The following OTOGL variants were observed in gnomAD, a reference collection of about 807,000 sequenced individuals.
OTOGL encodes the protein otogelin-like protein.
Under a neutral mutation model 318.5 loss-of-function variants are expected in OTOGL, and 285 were observed. The observed-to-expected ratio is 0.89, with a 90% CI of 0.81 to 0.99. The LOEUF (loss-of-function observed/expected upper bound fraction) is 0.99. Among genes scored for constraint, OTOGL ranks in the 50% least tolerant of loss-of-function variants. OTOGL has a pLI of 0.00. For missense variants in OTOGL, 2,899 were observed against 2,845.6 expected (o/e 1.02, Z -0.43); for synonymous variants, 987 against 936.5 (o/e 1.05, Z -0.99).
At chr12:80,297,609 A>C (rs1885495343) in intron 27 of OTOGL, among the ~76,000 whole-genome samples, 1 of 152,276 alleles carries the variant, frequency 6.6e-6, no homozygotes, top group South Asian at 2.1e-4. Flanking sequence ...CTGGGATTAC[A>C]GGCATGAGCC....
chr12:80,125,823 T>A (rs980660607), intron 1 of OTOGL, among the ~76,000 whole-genome samples: 2 of 152,150 alleles, frequency 1.3e-5, no homozygotes, highest in East Asian at 3.9e-4. Flanking sequence ...AGTTTATTTG[T>A]GTAAAGGTGT....
At chr12:80,251,856 A>G (rs1464210353) in intron 12 of OTOGL, 57 bp downstream of exon 12, 12 of 1,439,502 alleles carry the variant, frequency 8.3e-6, no homozygotes, top group Non-Finnish European at 1.1e-5. Flanking sequence ...GGTTAAACCT[A>G]GAACTCAAAA....
chr12:80,196,301 G>T (rs1876062541), intron 1 of OTOGL, among the ~76,000 whole-genome samples: 1 of 152,138 alleles, frequency 6.6e-6, no homozygotes, highest in African/African-American at 2.4e-5. Context: ...CCTATCTACA[G>T]CCTTTCAACT....
At chr12:80,316,192 C>T (rs1451094) in intron 32 of OTOGL, among the ~76,000 whole-genome samples, 28,770 of 152,138 alleles carry the variant, frequency 0.19, 2,886 homozygotes, top group Middle Eastern at 0.23. Flanking sequence ...CTCCATGCTA[C>T]GTGGCCTACT....
chr12:80,319,521 T>A (rs1887189266), intron 33 of OTOGL, among the ~76,000 whole-genome samples: 1 of 152,224 alleles, frequency 6.6e-6, no homozygotes, highest in African/African-American at 2.4e-5. Context: ...CATCAAGTTC[T>A]AAATTACGCT....
At position 80,270,819 on chromosome 12, in the gene OTOGL, C is replaced by T. The variant is rs966516358; in HGVS notation, c.2518+665C>T. Among the ~76,000 whole-genome samples, 3 of 151,952 alleles carry T rather than the reference C, an allele frequency of 2.0e-5. No individual in the cohort carries two copies. The East Asian group carries it at 5.8e-4, about 29-fold the overall frequency. On this transcript the variant is annotated intron_variant, in intron 23 of 58. Transcript: ENST00000547103. ...TATTTATTTTCATCATATAAAGAGCCTCAAATTCTCAGTTACTATGGGCAA... is the reference window on the plus strand; with the variant it reads ...TATTTATTTTCATCATATAAAGAGCTTCAAATTCTCAGTTACTATGGGCAA...
At chr12:80,345,786 C>G (rs904579803) in intron 44 of OTOGL, among the ~76,000 whole-genome samples, 1 of 151,990 alleles carries the variant, frequency 6.6e-6, no homozygotes, top group African/African-American at 2.4e-5. Context: ...CTCTCAAGTA[C>G]TCAAAGCCTC....
chr12:80,325,941 T>C (rs1257621675), intron 35 of OTOGL, among the ~76,000 whole-genome samples: 1 of 152,150 alleles, frequency 6.6e-6, no homozygotes, highest in Non-Finnish European at 1.5e-5. Context: ...TTCCAGTGTA[T>C]TGGGCTGTAG....
chr12:80,352,432 C>T lies in OTOGL; in HGVS notation c.5403C>T (p.Tyr1801=). 6.3e-7 allele frequency: 1 copy of T among 1,577,014 alleles called. No homozygotes were observed. The highest frequency in any genetic ancestry group is 8.6e-7 in the Non-Finnish European group (1 of 1,168,196). The change falls in exon 45 of 59, where the codon TAC becomes TAT. Residue 1801 remains tyrosine, a synonymous_variant. Transcript: ENST00000547103. ...GTATTCAGTGGAGAACACCTGATTA[C>T]TGCTGTGAGTAACTGTTAACTGAAT... The part of the protein sequence containing the change: ...DICIQWRTPD[Y]CSLSCPEGKE...
chr12:80,100,126 G>A (rs1034798488), intron 1 of OTOGL, among the ~76,000 whole-genome samples: 13 of 152,278 alleles, frequency 8.5e-5, no homozygotes, highest in Admixed American at 7.8e-4. Flanking sequence ...TAATTGGCAG[G>A]TTTTATAGGT....
intron 1 of OTOGL, among the ~76,000 whole-genome samples, chr12:80,154,320 A>G (rs1267148140): frequency 1.3e-5 from 2 of 152,112 alleles, no homozygotes; most frequent in South Asian, 2.1e-4. Context: ...AAGGGGGGGA[A>G]AAAGAAAGCT....
At chr12:80,273,892 C>A (rs889959211) in intron 24 of OTOGL, among the ~76,000 whole-genome samples, 1 of 151,978 alleles carries the variant, frequency 6.6e-6, no homozygotes, top group Non-Finnish European at 1.5e-5. Context: ...AATCTGTAAA[C>A]AGTGAACTTT....
chr12:80,251,719 G>A lies in OTOGL; in HGVS notation c.1079G>A (p.Arg360Gln), dbSNP rs774100762. 6.3e-6 allele frequency: 10 copies of A among 1,592,086 alleles called. No individual in the cohort carries two copies. The highest frequency in any genetic ancestry group is 1.7e-4 in the Middle Eastern group (1 of 6,030). The change falls in exon 12 of 59, where the codon CGA becomes CAA. Residue 360 changes from arginine (R) to glutamine (Q), a missense_variant. Arg to Gln is a conservative substitution (Grantham distance 43). This residue lies in a region of OTOGL where 2,607 missense variants were observed against 2,524.9 expected (regional missense o/e 1.03). Coordinates refer to ENST00000547103, the MANE Select transcript of OTOGL (RefSeq NM_001378609.3). The part of the protein sequence containing the change: ...CKTDDDETYC[R>Q]AATEYARACS... ...ACTGATGATGATGAAACCTATTGCC[G>A]AGCAGCCACTGAGTATGCTAGAGCC...
intron 11 of OTOGL, among the ~76,000 whole-genome samples, chr12:80,244,178 T>TA (rs1880649543): frequency 6.6e-6 from 1 of 151,594 alleles, no homozygotes; most frequent in African/African-American, 2.4e-5. Context: ...TTTTCTTTTT[T>TA]TTTTTTTATA....
At chr12:80,209,070 G>A (rs1231496271) in intron 1 of OTOGL, among the ~76,000 whole-genome samples, 1 of 152,126 alleles carries the variant, frequency 6.6e-6, no homozygotes, top group African/African-American at 2.4e-5. Flanking sequence ...GTTATCTCTT[G>A]TGGCTTCAGG....
Position 80,108,811 on chromosome 12 carries a change from A to G in OTOGL, c.-20+9206A>G, listed in dbSNP as rs1271933344. On this transcript the variant is annotated intron_variant, in intron 1 of 58. Transcript: ENST00000547103. ...TGTATATATATATATGTATATATAT[A>G]TGTGTATATATATGTATATATATTG... Among the ~76,000 whole-genome samples, 51 of 127,776 alleles carry G rather than the reference A, an allele frequency of 4.0e-4. 1 individual carries two copies. Among genetic ancestry groups the G allele is most frequent in the African/African-American group, 8.8e-4 (31 of 35,358 alleles). The allele number at this position is 127,776 out of a possible 152,430, so 83.8% of individuals were successfully genotyped here. A position where few individuals can be genotyped will look rare whatever the true frequency, so the allele number is the denominator to read the frequency against.
chr12:80,225,873 G>A (rs187830022), intron 7 of OTOGL, among the ~76,000 whole-genome samples: 27 of 151,698 alleles, frequency 1.8e-4, no homozygotes, highest in African/African-American at 5.6e-4. Flanking sequence ...CTATACCCCC[G>A]ACTATTTTTT....
intron 1 of OTOGL, among the ~76,000 whole-genome samples, chr12:80,182,489 A>G (rs528911577): frequency 3.3e-5 from 5 of 152,332 alleles, no homozygotes; most frequent in Admixed American, 1.3e-4. Flanking sequence ...CTGGCTTACT[A>G]TAAGAGATGA....
intron 1 of OTOGL, among the ~76,000 whole-genome samples, chr12:80,124,125 C>T (rs766903444): frequency 1.4e-4 from 22 of 151,972 alleles, no homozygotes; most frequent in Non-Finnish European, 2.4e-4. Flanking sequence ...GCCTATGTCC[C>T]GAATGGTGTT....
Sources: allele counts gnomAD v4.1 joint callset (sites outside exome capture counted in the v4.1 genomes callset), GRCh38; gene constraint gnomAD v4.1.1; regional missense constraint gnomAD v4.1.1; transcripts MANE v1.5; gene names NCBI Gene and HGNC (gene_info 2026-07-23, HGNC 2026-07-21).